Variants in AGAP4 observed in about 807,000 individuals in gnomAD.
AGAP4 encodes the protein arf-GAP with GTPase, ANK repeat and PH domain-containing protein 4.
A neutral mutation model predicts 60.7 loss-of-function variants in AGAP4; 13 were observed. The observed-to-expected ratio is 0.21, with a 90% confidence interval of 0.14 to 0.34. The LOEUF (loss-of-function observed/expected upper bound fraction) is 0.34. AGAP4 is among the 10% of genes least tolerant of loss of function. The pLI, the probability that AGAP4 is intolerant of heterozygous loss-of-function variation, is 1.00. For missense variants in AGAP4, 169 were observed against 884.0 expected, an observed-to-expected ratio of 0.19 and a Z score of 10.26; for synonymous variants, 70 against 339.0, an observed-to-expected ratio of 0.21 and a Z score of 8.72.
In AGAP4 at chr10:45,839,330, GA is replaced by G. The variant is rs532227613; in HGVS notation, c.396+2322del. Among the ~76,000 whole-genome samples the G allele has an allele frequency of 8.1e-3, 853 of 104,994 alleles. 55 individuals carry two copies. Among genetic ancestry groups the G allele is most frequent in the Non-Finnish European group, 0.013 (604 of 47,498 alleles). 68.9% of individuals were successfully genotyped at this position (104,994 alleles called of 152,430 possible). ...CACTTTGGAAAGTAGGGTAAAATGTGAAAAAAAAAAAAAAGCCAGCAAGGTC... is the reference window on the plus strand; with the variant it reads ...CACTTTGGAAAGTAGGGTAAAATGTGAAAAAAAAAAAAAGCCAGCAAGGTC... On this transcript the variant is annotated intron_variant, in intron 4 of 7. Transcript: ENST00000616763.
At chr10:45,848,045 C>A, upstream of AGAP4, 2 of 987,072 alleles carry the variant, frequency 2.0e-6, no homozygotes, top group Non-Finnish European at 2.4e-6. Context: ...CAATTAGCAA[C>A]CAAGTTGAAC....
At chr10:45,848,335 C>T (rs2059033234), upstream of AGAP4, among the ~76,000 whole-genome samples, 2 of 141,712 alleles carry the variant, frequency 1.4e-5, no homozygotes, top group African/African-American at 5.3e-5. Flanking sequence ...CCCTTTTCTC[C>T]CCGCTATTTC....
chr10:45,838,807 A>T (rs1268578006), intron 4 of AGAP4, among the ~76,000 whole-genome samples: 2 of 151,696 alleles, frequency 1.3e-5, no homozygotes, highest in Non-Finnish European at 1.5e-5. Context: ...AACAAATCTT[A>T]ATTAACTTAA....
chr10:45,834,483 G>A (rs1386652238), intron 4 of AGAP4, among the ~76,000 whole-genome samples: 2 of 132,478 alleles, frequency 1.5e-5, no homozygotes, highest in Non-Finnish European at 3.1e-5. Flanking sequence ...AGACCATCCT[G>A]GCTAACATGG....
Position 45,831,215 on chromosome 10 carries a change from TTCTC to T in AGAP4, c.533+175_533+178del, listed in dbSNP as rs2058726988. On this transcript the variant is annotated intron_variant, in intron 6 of 7. Coordinates refer to ENST00000616763, the MANE Select transcript of AGAP4 (RefSeq NM_001276343.3). ...CAATATAAACACATACTCTTTGAGA[TTCTC>T]AATCATTTAAGAATTATGAGAGTCT... 1.5e-5 allele frequency among the ~76,000 whole-genome samples: 2 copies of T among 129,344 alleles called. 1 individual carries two copies. The highest frequency in any genetic ancestry group is 3.4e-5 in the Non-Finnish European group (2 of 58,936). 84.9% of individuals were successfully genotyped at this position (129,344 alleles called of 152,430 possible). A position where few individuals can be genotyped will look rare whatever the true frequency, so the allele number is the denominator to read the frequency against.
chr10:45,852,266 A>G (rs1554900544), upstream of AGAP4, among the ~76,000 whole-genome samples: 2 of 145,264 alleles, frequency 1.4e-5, no homozygotes, highest in Non-Finnish European at 3.0e-5. Context: ...AAAGGATATT[A>G]TGTATAGAAA....
At chr10:45,850,809 A>G (rs1291482295), upstream of AGAP4, among the ~76,000 whole-genome samples, 2 of 151,780 alleles carry the variant, frequency 1.3e-5, no homozygotes, top group Non-Finnish European at 1.5e-5. Context: ...AGAAATAGGT[A>G]AGGAGGAAAA....
At chr10:45,851,810 C>T (rs1370170400), upstream of AGAP4, among the ~76,000 whole-genome samples, 5 of 151,884 alleles carry the variant, frequency 3.3e-5, no homozygotes, top group Admixed American at 2.0e-4. Context: ...TAGCTTTGGA[C>T]TCCTACAAAA....
upstream of AGAP4, among the ~76,000 whole-genome samples, chr10:45,848,301 C>T (rs1409578118): frequency 7.1e-6 from 1 of 140,156 alleles, no homozygotes; most frequent in East Asian, 2.1e-4. Context: ...CCTCCAAGCT[C>T]TGAAATGCTG....
chr10:45,851,065 C>A (rs1444385980), upstream of AGAP4, among the ~76,000 whole-genome samples: 2 of 151,616 alleles, frequency 1.3e-5, no homozygotes, highest in Non-Finnish European at 2.9e-5. Flanking sequence ...GCAATTGAGG[C>A]ACCTTGTATA....
At chr10:45,837,677 T>A (rs1372282447) in intron 4 of AGAP4, among the ~76,000 whole-genome samples, 10 of 151,702 alleles carry the variant, frequency 6.6e-5, no homozygotes, top group African/African-American at 1.9e-4. Context: ...TGCGGGAGAA[T>A]GAAACTGGAT....
intron 3 of AGAP4, among the ~76,000 whole-genome samples, chr10:45,843,117 T>C (rs1429239222): frequency 1.0e-5 from 1 of 95,502 alleles, no homozygotes; most frequent in Non-Finnish European, 2.2e-5. Context: ...GCTAACATGG[T>C]GAAACCCTGT....
chr10:45,845,910 A>G (rs2058990830), intron 2 of AGAP4, among the ~76,000 whole-genome samples: 1 of 92,372 alleles, frequency 1.1e-5, no homozygotes, highest in African/African-American at 4.2e-5. Flanking sequence ...GCCCAGCCAA[A>G]ACTGTAACTT....
At chr10:45,847,933 C>T, upstream of AGAP4, 1 of 1,039,002 alleles carries the variant, frequency 9.6e-7, no homozygotes, top group African/African-American at 1.7e-5. Flanking sequence ...TCATTCATCA[C>T]CAGCTTCCTG....
intron 4 of AGAP4, among the ~76,000 whole-genome samples, chr10:45,837,616 A>G (rs2135944240): frequency 6.6e-6 from 1 of 152,040 alleles, no homozygotes; most frequent in African/African-American, 2.4e-5. Flanking sequence ...CATAAAGTGA[A>G]GAAGGTAAAC....
At chr10:45,848,088 C>T (rs1554899842), upstream of AGAP4, 6 of 989,302 alleles carry the variant, frequency 6.1e-6, no homozygotes, top group African/African-American at 1.8e-5. Context: ...ATAGATACAC[C>T]TGAATTGTTG....
rs1245646934 is a variant in AGAP4 at position 45,846,686 on chromosome 10, C to G, written c.292+1G>C. ...CAGAGCTACAGACACTGTTGTCTCACCATCTGTTTGAGAGTTCCTCTGGAA... is the reference window on the plus strand; with the variant it reads ...CAGAGCTACAGACACTGTTGTCTCAGCATCTGTTTGAGAGTTCCTCTGGAA... On this transcript the variant is annotated splice_donor_variant, in intron 2 of 7. Transcript: ENST00000616763. LOFTEE classifies it high-confidence loss of function. 1 of 1,105,752 alleles carries G rather than the reference C, an allele frequency of 9.0e-7. No homozygotes were observed. Among genetic ancestry groups the G allele is most frequent in the African/African-American group, 1.6e-5 (1 of 61,252 alleles). The allele number at this position is 1,105,752 out of a possible 1,614,324, so 68.5% of individuals were successfully genotyped here.
chr10:45,852,218 A>T (rs1554900469), upstream of AGAP4, among the ~76,000 whole-genome samples: 3 of 47,060 alleles, frequency 6.4e-5, no homozygotes, highest in South Asian at 1.6e-3. Flanking sequence ...GCCAGACTTT[A>T]AAAAAAAAAA....
chr10:45,838,005 T>C (rs2058850748), intron 4 of AGAP4, among the ~76,000 whole-genome samples: 3 of 150,588 alleles, frequency 2.0e-5, no homozygotes, highest in Non-Finnish European at 4.4e-5. Flanking sequence ...TCAAACAAAT[T>C]ACAATTACAA....
Sources: gnomAD v4.1 joint callset for allele counts (sites outside exome capture counted in the v4.1 genomes callset) on GRCh38, gnomAD v4.1.1 for gene constraint, MANE v1.5 for transcripts, NCBI Gene and HGNC (gene_info 2026-07-23, HGNC 2026-07-21) for gene names.